CNKSR2: variants seen among roughly 807,000 people sequenced by gnomAD.
CNKSR2 encodes the protein connector enhancer of kinase suppressor of Ras 2, also known as CNK homolog protein 2.
CNKSR2 carries 14 observed loss-of-function variants against 84.4 expected under a neutral mutation model. That is an observed-to-expected ratio of 0.17 (90% CI 0.11 to 0.26). The LOEUF (loss-of-function observed/expected upper bound fraction) is 0.26. Ranked by LOEUF, CNKSR2 falls within the 10% of genes least tolerant of loss-of-function variation. CNKSR2 has a pLI of 1.00. For missense variants in CNKSR2, 485 were observed against 771.2 expected (o/e 0.63, Z 4.40); for synonymous variants, 275 against 277.9 (o/e 0.99, Z 0.10).
At position 21,409,254 on chromosome X, in the gene CNKSR2, AT is replaced by A. The variant is rs1431994606; in HGVS notation, c.65-17242del. On this transcript the variant is annotated intron_variant, in intron 1 of 21. Coordinates refer to ENST00000379510, the MANE Select transcript of CNKSR2 (RefSeq NM_014927.5). ...TATATATATATATATATATATATAT[AT>A]ATATATATATATATATATATATATG... is the stretch of plus-strand genomic sequence containing the variant. Among the ~76,000 whole-genome samples the A allele has an allele frequency of 2.6e-4, 21 of 82,144 alleles. 1 individual carries two copies. The highest frequency in any genetic ancestry group is 9.6e-4 in the African/African-American group (21 of 21,830). The allele number at this position is 82,144 out of a possible 115,157, so 71.3% of individuals were successfully genotyped here.
chrX:21,401,457 G>A (rs774383397), intron 1 of CNKSR2, among the ~76,000 whole-genome samples: 2 of 111,539 alleles, frequency 1.8e-5, no homozygotes, highest in Non-Finnish European at 1.9e-5. Context: ...TTTCAAAACC[G>A]AACAAATATC....
chrX:21,532,139 T>G, intron 11 of CNKSR2, 72 bp downstream of exon 11: 1 of 823,985 alleles, frequency 1.2e-6, no homozygotes, highest in Middle Eastern at 4.7e-4. Context: ...CTTTAATAAG[T>G]TTTTGGGTTG....
At chrX:21,562,474 A>C (rs1458684761) in intron 12 of CNKSR2, among the ~76,000 whole-genome samples, 3 of 111,514 alleles carry the variant, frequency 2.7e-5, no homozygotes, top group Non-Finnish European at 5.7e-5. Context: ...TCTTCTTAAT[A>C]CTTGTTTTAT....
At chrX:21,648,518 G>C (rs1744862166) in intron 20 of CNKSR2, among the ~76,000 whole-genome samples, 1 of 110,991 alleles carries the variant, frequency 9.0e-6, no homozygotes, top group African/African-American at 3.3e-5. Context: ...CTGGACTCAA[G>C]ATATATATGG....
intron 1 of CNKSR2, among the ~76,000 whole-genome samples, chrX:21,407,351 T>G (rs2090277634): frequency 9.0e-6 from 1 of 111,719 alleles, no homozygotes; most frequent in Admixed American, 9.5e-5. Context: ...TGTTGGAGAA[T>G]AGATGCCATA....
At chrX:21,601,162 C>A in intron 17 of CNKSR2, 120 bp from the exon 18 acceptor site, 1 of 418,302 alleles carries the variant, frequency 2.4e-6, no homozygotes, top group Non-Finnish European at 4.1e-6. Context: ...TAGCAAAGAA[C>A]ACATCTTATA....
chrX:21,599,967 T>C (rs768925009), intron 17 of CNKSR2, among the ~76,000 whole-genome samples: 1 of 112,053 alleles, frequency 8.9e-6, no homozygotes, highest in African/African-American at 3.2e-5. Context: ...TCTATATATA[T>C]ACCATGCTAC....
intron 7 of CNKSR2, among the ~76,000 whole-genome samples, chrX:21,499,637 T>C (rs1391687107): frequency 9.0e-6 from 1 of 110,974 alleles, no homozygotes; most frequent in African/African-American, 3.3e-5. Flanking sequence ...TTTTGATTCT[T>C]TTTTTTCTTA....
In CNKSR2 at chrX:21,639,969, G is replaced by A. The variant is rs374918812; in HGVS notation, c.2693-8862G>A. ...GAGCACTAGTAGTTGAAGAGATACC[G>A]TGCCCTAGGGAGTTATCTTCTCTTA... On this transcript the variant is annotated intron_variant, in intron 20 of 21. Coordinates refer to ENST00000379510, the MANE Select transcript of CNKSR2 (RefSeq NM_014927.5). Among the ~76,000 whole-genome samples the A allele has an allele frequency of 8.1e-5, 9 of 111,637 alleles. No individual in the cohort carries two copies. The South Asian group carries it at 3.0e-3, about 38-fold the overall frequency.
At chrX:21,444,359 A>T (rs1279978084) in intron 4 of CNKSR2, among the ~76,000 whole-genome samples, 1 of 111,692 alleles carries the variant, frequency 9.0e-6, no homozygotes, top group Admixed American at 9.6e-5. Context: ...GACATTTCAT[A>T]TCATTTACTT....
intron 11 of CNKSR2, 71 bp downstream of exon 11, chrX:21,532,138 GT>G: frequency 1.2e-6 from 1 of 822,252 alleles, no homozygotes; most frequent in Non-Finnish European, 1.7e-6. Flanking sequence ...CCTTTAATAA[GT>G]TTTTGGGTTG....
rs903980223 is a variant in CNKSR2 at position 21,528,570 on chromosome X, G to A, written c.1091+1570G>A. Among the ~76,000 whole-genome samples the A allele has an allele frequency of 2.7e-5, 3 of 110,580 alleles. No homozygotes were observed. In the Admixed American group the frequency reaches 2.9e-4, roughly 11 times the overall value. The stretch of plus-strand genomic sequence containing the variant: ...CCAGTTTTGTCTTCTGAGTGTGGTG[G>A]ACATATTATAAAGGCTATATATTGA... On this transcript the variant is annotated intron_variant, in intron 10 of 21. Coordinates refer to ENST00000379510, the MANE Select transcript of CNKSR2 (RefSeq NM_014927.5).
chrX:21,490,840 C>G (rs1295735759), intron 6 of CNKSR2: 2 of 170,730 alleles, frequency 1.2e-5, no homozygotes, highest in Non-Finnish European at 2.2e-5. Flanking sequence ...CAATTACATT[C>G]TTTCACCTCC....
intron 1 of CNKSR2, among the ~76,000 whole-genome samples, chrX:21,381,057 A>G (rs1453114801): frequency 8.9e-6 from 1 of 112,265 alleles, no homozygotes; most frequent in African/African-American, 3.2e-5. Flanking sequence ...GTTTTCATGT[A>G]TAGCATAGGC....
At chrX:21,465,430 A>G (rs1401613376) in intron 4 of CNKSR2, among the ~76,000 whole-genome samples, 1 of 111,592 alleles carries the variant, frequency 9.0e-6, no homozygotes, top group Non-Finnish European at 1.9e-5. Flanking sequence ...AAAGTATAAT[A>G]TTCATTGCTT....
chrX:21,546,267 G>A (rs186498883), intron 11 of CNKSR2, among the ~76,000 whole-genome samples: 8 of 108,590 alleles, frequency 7.4e-5, no homozygotes, highest in Admixed American at 7.0e-4. Flanking sequence ...TGAGAACTTC[G>A]TGAAGCATAC....
At chrX:21,470,284 T>C (rs1453168987) in intron 4 of CNKSR2, among the ~76,000 whole-genome samples, 1 of 111,924 alleles carries the variant, frequency 8.9e-6, no homozygotes, top group East Asian at 2.8e-4. Context: ...TACTGTAAAG[T>C]ATATTTAATA....
At chrX:21,511,336 G>T (rs775747288) in intron 8 of CNKSR2, among the ~76,000 whole-genome samples, 1 of 110,853 alleles carries the variant, frequency 9.0e-6, no homozygotes, top group Non-Finnish European at 1.9e-5. Flanking sequence ...TCTTTTATGC[G>T]ACAAATTTTA....
intron 13 of CNKSR2, among the ~76,000 whole-genome samples, chrX:21,563,954 A>G (rs1215628131): frequency 1.8e-5 from 2 of 111,065 alleles, no homozygotes; most frequent in African/African-American, 6.5e-5. Context: ...TGCAGAAAGT[A>G]TAAGAGGAAC....
Sources: allele counts gnomAD v4.1 joint callset (sites outside exome capture counted in the v4.1 genomes callset), GRCh38; gene constraint gnomAD v4.1.1; transcripts MANE v1.5; gene names NCBI Gene and HGNC (gene_info 2026-07-23, HGNC 2026-07-21).